FAAH2: variants seen among roughly 807,000 people sequenced by gnomAD.
FAAH2 encodes the protein fatty-acid amide hydrolase 2.
In FAAH2, 60 loss-of-function variants were observed where a neutral mutation model predicts 36.9. That is an observed-to-expected ratio of 1.63 (90% confidence interval 1.32 to 2.02). FAAH2 has a LOEUF of 2.02. Ranked by LOEUF, FAAH2 falls within the 30% of genes most tolerant of loss-of-function variation. FAAH2 has a pLI of 0.00. For synonymous variants in FAAH2, 214 were observed against 143.8 expected (o/e 1.49, Z -3.49); for missense variants, 689 against 397.5 (o/e 1.73, Z -6.23).
intron 3 of FAAH2, among the ~76,000 whole-genome samples, chrX:57,320,904 C>T: frequency 9.0e-6 from 1 of 111,555 alleles, no homozygotes; most frequent in Non-Finnish European, 1.9e-5. Flanking sequence ...TTTGGGAGGC[C>T]AAGGCAGGTG....
intron 10 of FAAH2, among the ~76,000 whole-genome samples, chrX:57,461,588 G>A (rs1165330737): frequency 9.0e-6 from 1 of 111,338 alleles, no homozygotes; most frequent in Non-Finnish European, 1.9e-5. Flanking sequence ...AAATAAATAA[G>A]TTCTTTGAAA....
the FAAH2 span, among the ~76,000 whole-genome samples, chrX:57,275,566 A>G: frequency 3.6e-5 from 4 of 112,555 alleles, no homozygotes; most frequent in Non-Finnish European, 7.5e-5. Flanking sequence ...TCAAATTCAC[A>G]CATAACAATA....
the FAAH2 span, among the ~76,000 whole-genome samples, chrX:57,158,534 A>G: frequency 2.7e-5 from 3 of 111,423 alleles, no homozygotes; most frequent in Admixed American, 1.9e-4. Context: ...TTTAATGATC[A>G]CCATTCTAAC....
the FAAH2 span, among the ~76,000 whole-genome samples, chrX:57,161,540 G>T: frequency 1.8e-5 from 2 of 111,633 alleles, no homozygotes; most frequent in Non-Finnish European, 3.8e-5. Flanking sequence ...GAATCTGGGT[G>T]TGCCTGTATT....
chrX:57,411,190 G>T (rs2055690968), intron 7 of FAAH2, among the ~76,000 whole-genome samples: 1 of 111,920 alleles, frequency 8.9e-6, no homozygotes, highest in Non-Finnish European at 1.9e-5. Context: ...GGGAAAGACT[G>T]AGTATTGTTT....
chrX:57,328,658 T>G lies in FAAH2; in HGVS notation c.413-2940T>G, dbSNP rs188857747. Among the ~76,000 whole-genome samples, 7 of 112,307 alleles carry G rather than the reference T, an allele frequency of 6.2e-5. No individual in the cohort carries two copies. The Admixed American group carries it at 6.6e-4, about 11-fold the overall frequency. On this transcript the variant is annotated intron_variant, in intron 3 of 10. Coordinates refer to ENST00000374900, the MANE Select transcript of FAAH2 (RefSeq NM_174912.4). ...CTGATTTTTTGAATTGTCAGAGTTCTTGTGCTGGTTCTTTCTTATTTTTGT... is the reference window on the plus strand; with the variant it reads ...CTGATTTTTTGAATTGTCAGAGTTCGTGTGCTGGTTCTTTCTTATTTTTGT...
chrX:57,249,647 A>T, the FAAH2 span, among the ~76,000 whole-genome samples: 10 of 111,826 alleles, frequency 8.9e-5, no homozygotes, highest in Admixed American at 9.5e-4. Flanking sequence ...TACAGAAATA[A>T]ACTCTCTTCT....
intron 3 of FAAH2, among the ~76,000 whole-genome samples, chrX:57,329,625 CCACA>C (rs202211095): frequency 4.9e-4 from 50 of 102,094 alleles, no homozygotes; most frequent in East Asian, 2.2e-3. Context: ...AAGACAAGGT[CCACA>C]CACACACACA....
At chrX:57,131,364 C>T in the FAAH2 span, among the ~76,000 whole-genome samples, 1 of 111,165 alleles carries the variant, frequency 9.0e-6, no homozygotes, top group Admixed American at 9.5e-5. Flanking sequence ...GGATTACAGG[C>T]GTGAGCCACC....
At chrX:57,293,746 G>T (rs1352997474) in intron 2 of FAAH2, among the ~76,000 whole-genome samples, 1 of 111,291 alleles carries the variant, frequency 9.0e-6, no homozygotes, top group Non-Finnish European at 1.9e-5. Flanking sequence ...TTGTGTATGA[G>T]GACATAGATA....
chrX:57,227,908 G>T, the FAAH2 span, among the ~76,000 whole-genome samples: 1 of 111,199 alleles, frequency 9.0e-6, no homozygotes, highest in Non-Finnish European at 1.9e-5. Flanking sequence ...AGTCATACAG[G>T]TTGTCAGGGA....
At chrX:57,220,420 C>T in the FAAH2 span, among the ~76,000 whole-genome samples, 2 of 111,001 alleles carry the variant, frequency 1.8e-5, no homozygotes, top group Non-Finnish European at 3.8e-5. Flanking sequence ...TTAACTCAAC[C>T]GCGCTTTCCC....
At position 57,331,673 on chromosome X, in the gene FAAH2, T is replaced by G. The variant is rs1440555658; in HGVS notation, c.488T>G (p.Leu163Arg). 8.3e-7 allele frequency: 1 copy of G among 1,209,998 alleles called. No homozygotes were observed. The highest frequency in any genetic ancestry group is 1.1e-6 in the Non-Finnish European group (1 of 895,117). ...ACAGATGCCACTGTGGTGGCATTAC[T>G]GAAGGGAGCTGGTGCCATTCCTCTT... is the stretch of plus-strand genomic sequence containing the variant. ...AKTDATVVAL[L>R]KGAGAIPLGI... Residue 163 changes from leucine to arginine, a missense_variant, in exon 4 of 11, where the codon CTG (leucine) becomes CGG (arginine). By Grantham distance (102) the Leu-to-Arg change is moderately radical. Coordinates refer to ENST00000374900, the MANE Select transcript of FAAH2 (RefSeq NM_174912.4).
At chrX:57,411,089 T>A (rs1394609980) in intron 7 of FAAH2, among the ~76,000 whole-genome samples, 1 of 111,971 alleles carries the variant, frequency 8.9e-6, no homozygotes, top group African/African-American at 3.2e-5. Flanking sequence ...GGAAGAAAGA[T>A]CTTTACCAGT....
chrX:57,213,584 T>C, the FAAH2 span, among the ~76,000 whole-genome samples: 1 of 112,085 alleles, frequency 8.9e-6, no homozygotes, highest in East Asian at 2.8e-4. Context: ...TTATCATCAA[T>C]CAAAAGACGC....
chrX:57,407,765 T>C (rs2055603287), intron 7 of FAAH2, among the ~76,000 whole-genome samples: 1 of 112,057 alleles, frequency 8.9e-6, no homozygotes, highest in Non-Finnish European at 1.9e-5. Context: ...ACTAATTTCC[T>C]TGTCTGAGAA....
intron 7 of FAAH2, among the ~76,000 whole-genome samples, chrX:57,407,291 C>A (rs2055589895): frequency 8.9e-6 from 1 of 111,830 alleles, no homozygotes; most frequent in Admixed American, 9.4e-5. Context: ...CTTTATGGCA[C>A]CTTCCACCTG....
rs771675507 is a variant in FAAH2, at chrX:57,331,565, AT to A, written c.413-28del. 1.2e-5 allele frequency: 14 copies of A among 1,149,804 alleles called. No individual in the cohort carries two copies. In the South Asian group the frequency reaches 2.7e-4, roughly 22 times the overall value. The allele number at this position is 1,149,804 out of a possible 1,213,427, so 94.8% of individuals were successfully genotyped here. Reference sequence around the variant, plus strand: ...AGAAAACAACTATTTTTATTTAATAATTTTTAAACATTCTTTTCTGTGACTC... The same window carrying A: ...AGAAAACAACTATTTTTATTTAATAATTTTAAACATTCTTTTCTGTGACTC... On this transcript the variant is annotated intron_variant, in intron 3 of 10. Coordinates refer to ENST00000374900, the MANE Select transcript of FAAH2 (RefSeq NM_174912.4).
chrX:57,218,124 A>G, the FAAH2 span, among the ~76,000 whole-genome samples: 2 of 111,972 alleles, frequency 1.8e-5, no homozygotes, highest in Admixed American at 1.9e-4. Flanking sequence ...TTCAAGGTAA[A>G]TGATTATATC....
Sources: gnomAD v4.1 joint callset for allele counts (sites outside exome capture counted in the v4.1 genomes callset) on GRCh38, gnomAD v4.1.1 for gene constraint, MANE v1.5 for transcripts, NCBI Gene and HGNC (gene_info 2026-07-23, HGNC 2026-07-21) for gene names.